TMTC2: variants seen among roughly 807,000 people sequenced by gnomAD.
TMTC2 encodes transmembrane O-mannosyltransferase targeting cadherins 2, also known as protein O-mannosyl-transferase TMTC2.
TMTC2 carries 43 observed loss-of-function variants against 82.4 expected under a neutral mutation model. The ratio of observed to expected loss-of-function variants is 0.52; its 90% confidence interval spans 0.41 to 0.67. The LOEUF is 0.67. Ranked by LOEUF, TMTC2 falls within the 30% of genes least tolerant of loss-of-function variation. The pLI is 0.00. For missense variants in TMTC2, 919 were observed against 1,012.4 expected, an observed-to-expected ratio of 0.91 and a Z score of 1.25; for synonymous variants, 408 against 381.9, an observed-to-expected ratio of 1.07 and a Z score of -0.80.
chr12:83,095,482 C>T (rs1275610627), intron 11 of TMTC2, among the ~76,000 whole-genome samples: 1 of 151,994 alleles, frequency 6.6e-6, no homozygotes, highest in Non-Finnish European at 1.5e-5. Flanking sequence ...CCTCATGATC[C>T]ACCCGCCTCG....
At chr12:82,848,730 C>T (rs1237323855) in intron 1 of TMTC2, among the ~76,000 whole-genome samples, 1 of 152,094 alleles carries the variant, frequency 6.6e-6, no homozygotes, top group Non-Finnish European at 1.5e-5. Context: ...CCTGAAATAT[C>T]TCCCATATAT....
At chr12:82,954,764 T>G (rs1877527186) in intron 4 of TMTC2, among the ~76,000 whole-genome samples, 2 of 152,346 alleles carry the variant, frequency 1.3e-5, no homozygotes, top group African/African-American at 2.4e-5. Context: ...CCACTTTACT[T>G]AAGGATTTGG....
intron 1 of TMTC2, among the ~76,000 whole-genome samples, chr12:82,742,034 C>T (rs1454314870): frequency 6.6e-6 from 1 of 152,152 alleles, no homozygotes; most frequent in Non-Finnish European, 1.5e-5. Context: ...GCGTGAATGT[C>T]CCCTACTGGA....
At chr12:82,780,671 C>CATGAGAA (rs1370919503) in intron 1 of TMTC2, among the ~76,000 whole-genome samples, 1 of 152,086 alleles carries the variant, frequency 6.6e-6, no homozygotes, top group African/African-American at 2.4e-5. Flanking sequence ...ATGTTTGCGT[C>CATGAGAA]ATGAGAAATT....
intron 11 of TMTC2, among the ~76,000 whole-genome samples, chr12:83,068,586 T>G (rs568359497): frequency 2.0e-4 from 30 of 152,298 alleles, no homozygotes; most frequent in African/African-American, 7.2e-4. Flanking sequence ...GGCATTGATT[T>G]TATGTGGATC....
chr12:83,003,688 G>C (rs1453929828), intron 8 of TMTC2, among the ~76,000 whole-genome samples: 10 of 152,196 alleles, frequency 6.6e-5, no homozygotes, highest in African/African-American at 1.9e-4. Flanking sequence ...AGTTTGGTGG[G>C]ACATGAAATT....
At chr12:83,000,535 G>A (rs922643629) in intron 8 of TMTC2, among the ~76,000 whole-genome samples, 5 of 152,226 alleles carry the variant, frequency 3.3e-5, no homozygotes, top group African/African-American at 1.2e-4. Context: ...GTCTTGGGCA[G>A]CTCCACCCGT....
chr12:82,703,471 C>T (rs1296031709), intron 1 of TMTC2, among the ~76,000 whole-genome samples: 3 of 150,388 alleles, frequency 2.0e-5, no homozygotes, highest in Non-Finnish European at 3.0e-5. Flanking sequence ...AAAAGATGCA[C>T]TGTAATGGAA....
chr12:83,066,879 T>C (rs1376446022), intron 11 of TMTC2, among the ~76,000 whole-genome samples: 1 of 151,894 alleles, frequency 6.6e-6, no homozygotes, highest in Non-Finnish European at 1.5e-5. Flanking sequence ...AAATTCTGAG[T>C]GAGAGAATTT....
At chr12:82,908,306 A>G (rs1251859690) in intron 3 of TMTC2, among the ~76,000 whole-genome samples, 3 of 151,936 alleles carry the variant, frequency 2.0e-5, no homozygotes, top group Non-Finnish European at 4.4e-5. Flanking sequence ...ACTTCTCCTT[A>G]TTTCTTGTTT....
intron 8 of TMTC2, among the ~76,000 whole-genome samples, chr12:83,016,856 C>T (rs1449781230): frequency 6.6e-6 from 1 of 152,118 alleles, no homozygotes; most frequent in Non-Finnish European, 1.5e-5. Context: ...TTTGTAAAAC[C>T]AGGATTATAA....
At chr12:83,073,810 A>G (rs1000842195) in intron 11 of TMTC2, among the ~76,000 whole-genome samples, 1 of 152,080 alleles carries the variant, frequency 6.6e-6, no homozygotes, top group African/African-American at 2.4e-5. Flanking sequence ...AAGTATGTCT[A>G]TAATTTCCTG....
In TMTC2 at chr12:82,957,661, T is replaced by C. The variant is rs73362278; in HGVS notation, c.1599-7363T>C. 7.8e-3 allele frequency among the ~76,000 whole-genome samples: 1,185 copies of C among 151,916 alleles called. 12 individuals carry two copies. Among genetic ancestry groups the C allele is most frequent in the African/African-American group, 0.027 (1,116 of 41,458 alleles). ...AACAAAGAAAAAAAGAGGGACGATATTAGGTTGGTGCAGAATACAAATAAG... is the reference window on the plus strand; with the variant it reads ...AACAAAGAAAAAAAGAGGGACGATACTAGGTTGGTGCAGAATACAAATAAG... On this transcript the variant is annotated intron_variant, in intron 4 of 11. Transcript: ENST00000321196.
At chr12:82,803,951 T>C (rs1038145255) in intron 1 of TMTC2, among the ~76,000 whole-genome samples, 4 of 152,204 alleles carry the variant, frequency 2.6e-5, no homozygotes, top group Middle Eastern at 3.4e-3. Flanking sequence ...CCTTGTGCCC[T>C]TCAGTGGAAT....
chr12:82,949,740 T>C (rs1877246040), intron 4 of TMTC2, among the ~76,000 whole-genome samples: 1 of 152,190 alleles, frequency 6.6e-6, no homozygotes, highest in Non-Finnish European at 1.5e-5. Context: ...CTGAAGAGTT[T>C]GTTAGCTGGT....
At chr12:82,999,049 A>G (rs1275222580) in intron 8 of TMTC2, among the ~76,000 whole-genome samples, 2 of 152,174 alleles carry the variant, frequency 1.3e-5, no homozygotes, top group African/African-American at 4.8e-5. Flanking sequence ...ATATATTGTT[A>G]TCAACTAAAG....
Position 82,857,161 on chromosome 12 carries a change from A to G in TMTC2, c.235A>G (p.Ile79Val), listed in dbSNP as rs1871299905. The G allele has an allele frequency of 6.2e-7, 1 of 1,614,110 alleles. No homozygotes were observed. Among genetic ancestry groups the G allele is most frequent in the Non-Finnish European group, 8.5e-7 (1 of 1,180,032 alleles). Residue 79 changes from isoleucine (I) to valine (V), a missense_variant, in exon 2 of 12, where the codon ATT (isoleucine) becomes GTT (valine). Ile to Val is a conservative substitution (Grantham distance 29). Transcript: ENST00000321196. Reference protein sequence around the residue: ...CTLSFRLNHAIGGLNPWSYHL... With the variant: ...CTLSFRLNHAVGGLNPWSYHL... ...TCTTTCTTTTCGCCTGAACCATGCC[A>G]TTGGAGGGTTGAATCCCTGGAGCTA...
chr12:82,696,964 G>GTATATATATATATATATATATATATA lies in TMTC2; in HGVS notation c.83+9314_83+9315insATATATATATATATATATATATATAT, dbSNP rs3993380. On this transcript the variant is annotated intron_variant, in intron 1 of 11. Transcript: ENST00000321196. The stretch of plus-strand genomic sequence containing the variant: ...GCTCTCTTTCTACATACATACATAC[G>GTATATATATATATATATATATATATA]TATATATATATATATATATGTTTCT... Among the ~76,000 whole-genome samples the GTATATATATATATATATATATATATA allele has an allele frequency of 4.7e-4, 66 of 141,520 alleles. 1 individual carries two copies. Among genetic ancestry groups the GTATATATATATATATATATATATATA allele is most frequent in the African/African-American group, 1.7e-3 (65 of 38,126 alleles). The allele number at this position is 141,520 out of a possible 152,430, so 92.8% of individuals were successfully genotyped here.
chr12:82,690,342 G>A, intron 1 of TMTC2: 1 of 985,066 alleles, frequency 1.0e-6, no homozygotes, highest in Admixed American at 6.1e-5. Context: ...TGTAAGGAGA[G>A]GCCAGTGCCA....
Sources: gnomAD v4.1 joint callset for allele counts (sites outside exome capture counted in the v4.1 genomes callset) on GRCh38, gnomAD v4.1.1 for gene constraint, MANE v1.5 for transcripts, NCBI Gene and HGNC (gene_info 2026-07-23, HGNC 2026-07-21) for gene names.